The following CFAP61 variants were observed in gnomAD, a reference collection of about 807,000 sequenced individuals.
CFAP61 encodes the protein cilia- and flagella-associated protein 61.
Under a neutral mutation model 135.6 loss-of-function variants are expected in CFAP61, and 107 were observed. The observed-to-expected ratio is 0.79, with a 90% CI of 0.67 to 0.93. The LOEUF (loss-of-function observed/expected upper bound fraction) is 0.93, where lower values mean the gene tolerates loss of function less well. CFAP61 is among the 40% of genes least tolerant of loss of function. The pLI, the probability that CFAP61 is intolerant of heterozygous loss-of-function variation, is 0.00. For missense variants in CFAP61, 1,507 were observed against 1,556.2 expected, an observed-to-expected ratio of 0.97 and a Z score of 0.53; for synonymous variants, 575 against 578.5, an observed-to-expected ratio of 0.99 and a Z score of 0.09.
chr20:20,232,676 A>G (rs1296886557), intron 18 of CFAP61: 6 of 152,128 alleles, frequency 3.9e-5, no homozygotes, highest in Non-Finnish European at 7.4e-5. Flanking sequence ...TCAGTGTTTT[A>G]TAGTATTTAC....
chr20:20,204,386 G>A (rs1038231539), intron 17 of CFAP61, among the ~76,000 whole-genome samples: 8 of 152,084 alleles, frequency 5.3e-5, no homozygotes, highest in African/African-American at 1.9e-4. Flanking sequence ...CCCCCTCAGA[G>A]CTAAGTGATG....
chr20:20,152,465 G>A (rs1261993436), intron 9 of CFAP61, among the ~76,000 whole-genome samples: 1 of 152,212 alleles, frequency 6.6e-6, no homozygotes, highest in African/African-American at 2.4e-5. Flanking sequence ...AGTATCTGCT[G>A]TCTTGAAGAG....
intron 10 of CFAP61, among the ~76,000 whole-genome samples, chr20:20,159,850 C>T (rs2053249225): frequency 6.6e-6 from 1 of 152,204 alleles, no homozygotes; most frequent in Admixed American, 6.5e-5. Flanking sequence ...TAATATATGT[C>T]ATTTACATTC....
At position 20,277,292 on chromosome 20, in the gene CFAP61, T is replaced by C. The variant is rs145217139; in HGVS notation, c.2630T>C (p.Ile877Thr). 12 of 1,614,026 alleles carry C rather than the reference T, an allele frequency of 7.4e-6. No homozygotes were observed. The highest frequency in any genetic ancestry group is 1.7e-5 in the Admixed American group (1 of 60,010). ...QPPPASTITC[I>T]NNYSVESAVA... The stretch of plus-strand genomic sequence containing the variant: ...CCGCCCGCCTCCACCATCACCTGCA[T>C]CAACAACTACTCGGTGGAGAGCGCC... The change falls in exon 22 of 27, where the codon ATC becomes ACC. Residue 877 changes from isoleucine (I) to threonine (T), a missense_variant. Physicochemically the swap from Ile to Thr is moderately conservative, Grantham distance 89. Transcript: ENST00000245957.
At chr20:20,152,253 A>G (rs2052502517) in intron 9 of CFAP61, among the ~76,000 whole-genome samples, 2 of 152,178 alleles carry the variant, frequency 1.3e-5, no homozygotes, top group South Asian at 4.1e-4. Flanking sequence ...ATACATGAAA[A>G]TAGAACCTCC....
chr20:20,184,394 A>T (rs1324321120), intron 13 of CFAP61, among the ~76,000 whole-genome samples: 1 of 152,196 alleles, frequency 6.6e-6, no homozygotes, highest in Non-Finnish European at 1.5e-5. Flanking sequence ...CAACACTGCC[A>T]TCTTTGTCAA....
chr20:20,326,807 C>T lies in CFAP61; in HGVS notation c.3423-15024C>T, dbSNP rs539826417. Among the ~76,000 whole-genome samples, 48 of 152,138 alleles carry T rather than the reference C, an allele frequency of 3.2e-4. 1 individual carries two copies. Among genetic ancestry groups the T allele is most frequent in the South Asian group, 3.1e-3 (15 of 4,818 alleles). On this transcript the variant is annotated intron_variant, in intron 25 of 26. Coordinates refer to ENST00000245957, the MANE Select transcript of CFAP61 (RefSeq NM_015585.4). Reference sequence around the variant, plus strand: ...GTGTAGTCTTCTTAGCTATTCTTTCCGAATGTATTATCATGTCCAACTTTA... The same window carrying T: ...GTGTAGTCTTCTTAGCTATTCTTTCTGAATGTATTATCATGTCCAACTTTA...
chr20:20,083,169 G>A (rs2046551312), intron 6 of CFAP61, among the ~76,000 whole-genome samples: 1 of 152,136 alleles, frequency 6.6e-6, no homozygotes, highest in Non-Finnish European at 1.5e-5. Flanking sequence ...CCATAAAAAT[G>A]AACAAAATAA....
intron 2 of CFAP61, among the ~76,000 whole-genome samples, chr20:20,060,549 A>G (rs920050798): frequency 1.3e-5 from 2 of 152,242 alleles, no homozygotes; most frequent in African/African-American, 2.4e-5. Context: ...GAGCATGATT[A>G]GAATGAAAGA....
At chr20:20,153,703 A>T (rs2052641767) in intron 9 of CFAP61, among the ~76,000 whole-genome samples, 1 of 152,166 alleles carries the variant, frequency 6.6e-6, no homozygotes, top group African/African-American at 2.4e-5. Flanking sequence ...AGGTAGTGAG[A>T]TTGAAACAAT....
At chr20:20,101,297 T>C (rs1396844135) in intron 8 of CFAP61, among the ~76,000 whole-genome samples, 2 of 152,250 alleles carry the variant, frequency 1.3e-5, no homozygotes, top group Non-Finnish European at 2.9e-5. Flanking sequence ...CATCACTGTG[T>C]CTCATATCTT....
rs1336746354 is a variant in CFAP61 at position 20,184,549 on chromosome 20, C to T, written c.1386-3381C>T. On this transcript the variant is annotated intron_variant, in intron 13 of 26. Coordinates refer to ENST00000245957, the MANE Select transcript of CFAP61 (RefSeq NM_015585.4). ...AGGGGGTCAGGGTCAGGGAGGGCGTCACTGAGAGGGTGAAGTTTCAGCAAA... is the reference window on the plus strand; with the variant it reads ...AGGGGGTCAGGGTCAGGGAGGGCGTTACTGAGAGGGTGAAGTTTCAGCAAA... 4 of 152,300 alleles carry T rather than the reference C, an allele frequency of 2.6e-5. No individual in the cohort carries two copies. In the East Asian group the frequency reaches 7.7e-4, roughly 29 times the overall value. 9.4% of individuals were successfully genotyped at this position (152,300 alleles called of 1,614,324 possible).
chr20:20,263,666 C>T (rs1378951501), intron 21 of CFAP61, among the ~76,000 whole-genome samples: 1 of 152,138 alleles, frequency 6.6e-6, no homozygotes, highest in Non-Finnish European at 1.5e-5. Flanking sequence ...AATGCCTCTG[C>T]CACTCAAAAG....
intron 20 of CFAP61, among the ~76,000 whole-genome samples, chr20:20,254,712 CAAATT>C (rs1276362481): frequency 6.6e-6 from 1 of 152,144 alleles, no homozygotes; most frequent in Non-Finnish European, 1.5e-5. Flanking sequence ...TTCTAAAAAA[CAAATT>C]AAAATAATGA....
chr20:20,259,924 C>T (rs922462001), intron 20 of CFAP61: 1 of 152,082 alleles, frequency 6.6e-6, no homozygotes, highest in Non-Finnish European at 1.5e-5. Context: ...ATCTGCTGCT[C>T]TCCACTCAGA....
At chr20:20,325,203 A>T (rs1180273321) in intron 25 of CFAP61, among the ~76,000 whole-genome samples, 2 of 152,228 alleles carry the variant, frequency 1.3e-5, no homozygotes, top group Non-Finnish European at 2.9e-5. Context: ...GGTCTATTTG[A>T]TACAACTGAT....
At chr20:20,124,906 T>C (rs2049954022) in intron 8 of CFAP61, among the ~76,000 whole-genome samples, 1 of 151,768 alleles carries the variant, frequency 6.6e-6, no homozygotes, top group South Asian at 2.1e-4. Flanking sequence ...TGCTTATTAT[T>C]GGTCTATTTA....
chr20:20,174,721 G>A (rs1245721153), intron 13 of CFAP61, among the ~76,000 whole-genome samples: 4 of 151,482 alleles, frequency 2.6e-5, no homozygotes, highest in African/African-American at 9.7e-5. Flanking sequence ...CAGATGAGAA[G>A]GGAGAGCAAC....
intron 8 of CFAP61, among the ~76,000 whole-genome samples, chr20:20,123,683 C>T (rs1728308344): frequency 6.6e-6 from 1 of 151,654 alleles, no homozygotes; most frequent in African/African-American, 2.4e-5. Flanking sequence ...CAGACTTGTT[C>T]TTTTTGCTTA....
Sources: gnomAD v4.1 joint callset for allele counts (sites outside exome capture counted in the v4.1 genomes callset) on GRCh38, gnomAD v4.1.1 for gene constraint, MANE v1.5 for transcripts, NCBI Gene and HGNC (gene_info 2026-07-23, HGNC 2026-07-21) for gene names.